Variants in DTNA observed in about 807,000 individuals in gnomAD.
DTNA encodes the protein dystrobrevin alpha, also known as dystrophin-related protein 3.
In DTNA, 43 loss-of-function variants were observed where a neutral mutation model predicts 100.7. The observed-to-expected ratio is 0.43, with a 90% CI of 0.33 to 0.55. The LOEUF (loss-of-function observed/expected upper bound fraction) is 0.55. Ranked by LOEUF, DTNA falls within the 20% of genes least tolerant of loss-of-function variation. The pLI is 0.04. For synonymous variants in DTNA, 349 were observed against 347.9 expected, an observed-to-expected ratio of 1.00 and a Z score of -0.04; for missense variants, 798 against 953.9, an observed-to-expected ratio of 0.84 and a Z score of 2.15.
intron 1 of DTNA, among the ~76,000 whole-genome samples, chr18:34,628,981 A>G (rs2057715330): frequency 6.6e-6 from 1 of 152,154 alleles, no homozygotes; most frequent in African/African-American, 2.4e-5. Context: ...ATCTCAATCT[A>G]ACACTGTACC....
At position 34,592,502 on chromosome 18, in the gene DTNA, A is replaced by ACACACACACACACG. The variant is rs1371552393; in HGVS notation, c.-2+98992_-2+98993insCACACACACGCACA. Among the ~76,000 whole-genome samples the ACACACACACACACG allele has an allele frequency of 2.8e-3, 429 of 150,600 alleles. 2 individuals carry two copies. Among genetic ancestry groups the ACACACACACACACG allele is most frequent in the African/African-American group, 8.6e-3 (351 of 40,980 alleles). On this transcript the variant is annotated intron_variant, in intron 1 of 19. Coordinates refer to the DTNA transcript ENST00000283365. ...CACACACACACACACACACACACAC[A>ACACACACACACACG]CACATTTTGTTTTCCAGTCCGCACT... is the stretch of plus-strand genomic sequence containing the variant.
chr18:34,821,808 C>A (rs1019350128), intron 9 of DTNA, among the ~76,000 whole-genome samples: 1 of 152,158 alleles, frequency 6.6e-6, no homozygotes, highest in South Asian at 2.1e-4. Context: ...GTGACGGGAC[C>A]TACCGGTATA....
intron 8 of DTNA, chr18:34,818,635 T>C: frequency 8.5e-7 from 1 of 1,178,560 alleles, no homozygotes; most frequent in South Asian, 2.3e-5. Flanking sequence ...TGGAACATAA[T>C]CTTACATTCA....
chr18:34,629,459 T>G (rs1350938223), intron 1 of DTNA, among the ~76,000 whole-genome samples: 1 of 152,180 alleles, frequency 6.6e-6, no homozygotes, highest in Non-Finnish European at 1.5e-5. Context: ...GTTGTCCAGA[T>G]TCCTAATGAA....
At chr18:34,862,140 A>AAAAG (rs1555881845) in intron 16 of DTNA, among the ~76,000 whole-genome samples, 15,859 of 146,760 alleles carry the variant, frequency 0.11, 933 homozygotes, top group African/African-American at 0.12. Context: ...AAAAAAAAAA[A>AAAAG]AAAGAGAAAG....
intron 4 of DTNA, among the ~76,000 whole-genome samples, chr18:34,803,129 G>A (rs947975466): frequency 5.9e-5 from 9 of 152,066 alleles, no homozygotes; most frequent in African/African-American, 1.7e-4. Context: ...TGCTTGCCAC[G>A]ACCTAAATCC....
At chr18:34,640,727 C>A (rs1236512251) in intron 1 of DTNA, among the ~76,000 whole-genome samples, 5 of 152,218 alleles carry the variant, frequency 3.3e-5, no homozygotes, top group Admixed American at 3.3e-4. Flanking sequence ...TTGTTTGCTT[C>A]ATCTTTAAAA....
intron 5 of DTNA, among the ~76,000 whole-genome samples, chr18:34,811,651 G>A (rs1473935756): frequency 6.6e-6 from 1 of 152,090 alleles, no homozygotes; most frequent in Non-Finnish European, 1.5e-5. Flanking sequence ...AGCTACATGA[G>A]AGTTAATAGT....
chr18:34,856,926 A>G (rs963474944), intron 15 of DTNA, among the ~76,000 whole-genome samples: 1 of 152,212 alleles, frequency 6.6e-6, no homozygotes, highest in Non-Finnish European at 1.5e-5. Flanking sequence ...AGCAGGAGTC[A>G]TAGAATATCA....
In DTNA at chr18:34,820,865, C is replaced by T. The variant is rs2095697253; in HGVS notation, c.951C>T (p.His317=). The change falls in exon 9 of 23, where the codon CAC becomes CAT. Residue 317 remains histidine (H), a synonymous_variant. Coordinates refer to ENST00000444659, the MANE Select transcript of DTNA (RefSeq NM_001386795.1). ...GTGCTTCCAGCCGTGAACCTTTGCA[C>T]CCCATGTTCCCAGATCAGCCTGAGA... is the stretch of plus-strand genomic sequence containing the variant. ...LSCASSREPL[H]PMFPDQPEKP... is the part of the protein sequence containing the mutation. 1.2e-6 allele frequency: 2 copies of T among 1,614,128 alleles called. No homozygotes were observed.
At chr18:34,810,952 G>A (rs192865986) in intron 5 of DTNA, among the ~76,000 whole-genome samples, 5 of 152,206 alleles carry the variant, frequency 3.3e-5, no homozygotes, top group Admixed American at 1.3e-4. Flanking sequence ...ACCATAATCC[G>A]ATAAAAGCCT....
chr18:34,838,885 C>A, intron 13 of DTNA, 48 bp downstream of exon 13: 1 of 1,550,042 alleles, frequency 6.5e-7, no homozygotes, highest in South Asian at 1.1e-5. Flanking sequence ...GGGATACAGT[C>A]TGAGCTGGTG....
intron 1 of DTNA, among the ~76,000 whole-genome samples, chr18:34,537,006 A>C (rs2043779904): frequency 1.3e-5 from 2 of 152,074 alleles, no homozygotes; most frequent in Middle Eastern, 3.4e-3. Flanking sequence ...AAAAATGAAA[A>C]TAAAAATTCA....
At chr18:34,688,111 C>A (rs1167493983) in intron 1 of DTNA, among the ~76,000 whole-genome samples, 1 of 152,034 alleles carries the variant, frequency 6.6e-6, no homozygotes, top group East Asian at 1.9e-4. Context: ...CCAGTCTGTG[C>A]CTTTTCATTG....
intron 1 of DTNA, among the ~76,000 whole-genome samples, chr18:34,660,826 G>A (rs992853773): frequency 6.6e-6 from 1 of 151,968 alleles, no homozygotes; most frequent in Non-Finnish European, 1.5e-5. Context: ...CCCCACCCCC[G>A]CTTTGAGTTG....
intron 1 of DTNA, among the ~76,000 whole-genome samples, chr18:34,556,684 T>C (rs1414259160): frequency 2.0e-5 from 3 of 151,264 alleles, no homozygotes; most frequent in African/African-American, 7.3e-5. Context: ...TCTTTAAGAA[T>C]GTTGAATATC....
At chr18:34,713,740 C>T (rs556343060) in intron 1 of DTNA, among the ~76,000 whole-genome samples, 7 of 152,170 alleles carry the variant, frequency 4.6e-5, no homozygotes, top group Admixed American at 2.0e-4. Context: ...GCCATTTCCA[C>T]GATATTGATT....
At chr18:34,753,370 T>TATTTTATTTTA (rs1568412717) in intron 1 of DTNA, among the ~76,000 whole-genome samples, 2 of 93,066 alleles carry the variant, frequency 2.1e-5, no homozygotes, top group African/African-American at 1.2e-4. Context: ...TATTTTATTT[T>TATTTTATTTTA]TTTTTTTTTT....
chr18:34,766,188 A>C, intron 3 of DTNA, 147 bp downstream of exon 3: 1 of 911,862 alleles, frequency 1.1e-6, no homozygotes, highest in Non-Finnish European at 1.7e-6. Flanking sequence ...ATTATGAGGC[A>C]CAAATGGTAG....
Sources: gnomAD v4.1 joint callset for allele counts (sites outside exome capture counted in the v4.1 genomes callset) on GRCh38, gnomAD v4.1.1 for gene constraint, MANE v1.5 for transcripts, NCBI Gene and HGNC (gene_info 2026-07-23, HGNC 2026-07-21) for gene names.